DCC: variants seen among roughly 807,000 people sequenced by gnomAD.
DCC encodes the protein netrin receptor DCC.
Under a neutral mutation model 172.5 loss-of-function variants are expected in DCC, and 58 were observed. The ratio of observed to expected loss-of-function variants is 0.34; its 90% CI spans 0.27 to 0.42. The LOEUF (loss-of-function observed/expected upper bound fraction) is 0.42, where lower values mean the gene tolerates loss of function less well. Among genes scored for constraint, DCC ranks in the 10% least tolerant of loss-of-function variants. DCC has a pLI of 1.00. For synonymous variants in DCC, 709 were observed against 644.5 expected (o/e 1.10, Z -1.52); for missense variants, 1,740 against 1,791.0 (o/e 0.97, Z 0.51).
Position 52,609,643 on chromosome 18 carries a change from C to CTTT in DCC, c.92-142411_92-142410insTTT, listed in dbSNP as rs1343830174. 3.5e-3 allele frequency among the ~76,000 whole-genome samples: 538 copies of CTTT among 152,012 alleles called. 5 individuals are homozygous for CTTT. The highest frequency in any genetic ancestry group is 0.012 in the African/African-American group (510 of 41,444). ...TAAACATTCCTCTCTGTTATTACCT[C>CTTT]CAGCACAACTTTGCTGTAGAATTTT... On this transcript the variant is annotated intron_variant, in intron 1 of 28. Coordinates refer to ENST00000442544, the MANE Select transcript of DCC (RefSeq NM_005215.4).
intron 13 of DCC, among the ~76,000 whole-genome samples, chr18:53,321,617 G>A (rs1245059739): frequency 6.6e-6 from 1 of 151,938 alleles, no homozygotes; most frequent in Non-Finnish European, 1.5e-5. Context: ...CATTTTCTTT[G>A]GATTCTTGAT....
At chr18:52,341,916 C>T (rs1051675643) in intron 1 of DCC, among the ~76,000 whole-genome samples, 4 of 152,062 alleles carry the variant, frequency 2.6e-5, no homozygotes, top group Admixed American at 6.5e-5. Flanking sequence ...TTTTCCAAAT[C>T]CAAAGGAAAA....
At chr18:53,500,679 C>T (rs2046086116) in intron 27 of DCC, among the ~76,000 whole-genome samples, 1 of 151,752 alleles carries the variant, frequency 6.6e-6, no homozygotes, top group African/African-American at 2.4e-5. Context: ...TATGGATACT[C>T]AGCTACACAG....
intron 1 of DCC, among the ~76,000 whole-genome samples, chr18:52,731,452 A>G (rs1410237966): frequency 1.3e-5 from 2 of 152,252 alleles, no homozygotes; most frequent in African/African-American, 4.8e-5. Context: ...ACAGATATTC[A>G]GTCACATGAC....
At chr18:53,033,405 T>A (rs1340815298) in intron 5 of DCC, among the ~76,000 whole-genome samples, 1 of 152,168 alleles carries the variant, frequency 6.6e-6, no homozygotes, top group East Asian at 1.9e-4. Context: ...TCGCAATGTT[T>A]CCTTTCTCCT....
rs771908910 is a variant in DCC, at chr18:53,410,548, A to C, written c.3032A>C (p.Asp1011Ala). The change falls in exon 20 of 29, where the codon GAT becomes GCT. Residue 1011 changes from aspartate (D) to alanine (A), a missense_variant. By Grantham distance (126) the Asp-to-Ala change is moderately radical. This residue lies in a region of DCC where 1,732 missense variants were observed against 1,767.4 expected (regional missense o/e 0.98). Coordinates refer to ENST00000442544, the MANE Select transcript of DCC (RefSeq NM_005215.4). ...GATAGGCTTACTCATCAAATCATGG[A>C]TCTCAACCTTGATACTATGTATTAC... ...SGDRLTHQIMDLNLDTMYYFR... is the reference protein window; with the variant it reads ...SGDRLTHQIMALNLDTMYYFR... The C allele has an allele frequency of 2.5e-6, 4 of 1,604,484 alleles. No homozygotes were observed. The highest frequency in any genetic ancestry group is 2.6e-6 in the Non-Finnish European group (3 of 1,171,176).
intron 1 of DCC, among the ~76,000 whole-genome samples, chr18:52,473,888 A>G (rs1221125859): frequency 6.6e-6 from 1 of 152,060 alleles, no homozygotes; most frequent in African/African-American, 2.4e-5. Context: ...GACTCTTGAA[A>G]TGGTGATAAT....
At chr18:53,457,519 T>C (rs1568144296) in intron 23 of DCC, among the ~76,000 whole-genome samples, 1 of 152,178 alleles carries the variant, frequency 6.6e-6, no homozygotes, top group Non-Finnish European at 1.5e-5. Context: ...TGTTAAGTTA[T>C]TTAGCATTTT....
At chr18:53,439,769 C>CTTTTCTTTT (rs1555672138) in intron 22 of DCC, among the ~76,000 whole-genome samples, 4 of 127,214 alleles carry the variant, frequency 3.1e-5, no homozygotes, top group Non-Finnish European at 3.4e-5. Flanking sequence ...TAGTATTTTT[C>CTTTTCTTTT]TTTTTTTTTT....
chr18:53,065,926 T>G (rs1435113675), intron 6 of DCC, 120 bp from the exon 7 acceptor site: 1 of 1,195,670 alleles, frequency 8.4e-7, no homozygotes, highest in African/African-American at 1.5e-5. Flanking sequence ...AGACCCCTCA[T>G]GGCCTCTCCT....
intron 12 of DCC, among the ~76,000 whole-genome samples, chr18:53,285,785 T>C (rs1222412752): frequency 6.6e-6 from 1 of 152,230 alleles, no homozygotes; most frequent in Non-Finnish European, 1.5e-5. Flanking sequence ...GACCGTACCC[T>C]TCAAAGCCAC....
At chr18:52,749,132 C>T (rs2036955740) in intron 1 of DCC, among the ~76,000 whole-genome samples, 1 of 151,944 alleles carries the variant, frequency 6.6e-6, no homozygotes, top group African/African-American at 2.4e-5. Context: ...GCGGAGGTTG[C>T]AGTGAGCCAA....
intron 1 of DCC, among the ~76,000 whole-genome samples, chr18:52,738,272 T>G (rs2036759151): frequency 6.6e-6 from 1 of 152,152 alleles, no homozygotes; most frequent in Admixed American, 6.5e-5. Flanking sequence ...AGTTAGGTGA[T>G]TTTGTCATTG....
intron 1 of DCC, among the ~76,000 whole-genome samples, chr18:52,600,422 T>C (rs2033993332): frequency 6.6e-6 from 1 of 152,232 alleles, no homozygotes; most frequent in African/African-American, 2.4e-5. Flanking sequence ...ATTATAAATC[T>C]TGATATTTGG....
intron 7 of DCC, among the ~76,000 whole-genome samples, chr18:53,105,419 C>T (rs1461470581): frequency 6.6e-6 from 1 of 151,870 alleles, no homozygotes; most frequent in Admixed American, 6.6e-5. Context: ...GTGTTTAGCC[C>T]CAAATTTACA....
chr18:52,817,413 T>A (rs947089313), intron 2 of DCC, among the ~76,000 whole-genome samples: 2 of 152,146 alleles, frequency 1.3e-5, no homozygotes, highest in Admixed American at 6.5e-5. Context: ...TCAGTAGTCA[T>A]CTTTATAGAA....
At chr18:52,503,112 G>T (rs2031095101) in intron 1 of DCC, among the ~76,000 whole-genome samples, 1 of 151,984 alleles carries the variant, frequency 6.6e-6, no homozygotes, top group Admixed American at 6.6e-5. Flanking sequence ...TTTTACTGAG[G>T]TTTTTCAACA....
intron 7 of DCC, among the ~76,000 whole-genome samples, chr18:53,154,082 G>A (rs2054688997): frequency 6.6e-6 from 1 of 152,118 alleles, no homozygotes; most frequent in East Asian, 1.9e-4. Flanking sequence ...CATTGTTTAG[G>A]AAAGGCAAAT....
At chr18:52,889,985 T>C (rs9957569) in intron 2 of DCC, among the ~76,000 whole-genome samples, 17,774 of 152,104 alleles carry the variant, frequency 0.12, 1,160 homozygotes, top group South Asian at 0.2. Context: ...CAAAGAAATA[T>C]AGAGTACTAT....
Sources: gnomAD v4.1 joint callset for allele counts (sites outside exome capture counted in the v4.1 genomes callset) on GRCh38, gnomAD v4.1.1 for gene constraint, gnomAD v4.1.1 regional missense constraint, MANE v1.5 for transcripts, NCBI Gene and HGNC (gene_info 2026-07-23, HGNC 2026-07-21) for gene names.